Variants in TAS2R1 observed in about 807,000 individuals in gnomAD.
TAS2R1 encodes the protein taste receptor type 2 member 1.
For missense variants in TAS2R1, 370 were observed against 353.4 expected (o/e 1.05, Z -0.38); for synonymous variants, 141 against 134.2 (o/e 1.05, Z -0.35).
the TAS2R1 span, among the ~76,000 whole-genome samples, chr5:9,876,918 C>G: frequency 6.6e-6 from 1 of 152,178 alleles, no homozygotes; most frequent in Non-Finnish European, 1.5e-5. Flanking sequence ...AGTGTTTATT[C>G]AGGTAAACGA....
At chr5:9,840,149 A>G in the TAS2R1 span, among the ~76,000 whole-genome samples, 2 of 152,170 alleles carry the variant, frequency 1.3e-5, no homozygotes, top group African/African-American at 4.8e-5. Context: ...CATTGATTAC[A>G]TCAATGTGAG....
At chr5:9,755,219 T>C in the TAS2R1 span, among the ~76,000 whole-genome samples, 1 of 152,134 alleles carries the variant, frequency 6.6e-6, no homozygotes, top group African/African-American at 2.4e-5. Context: ...GAGAGAGTAG[T>C]ACTTGGATAC....
At chr5:9,633,294 T>TATA (rs1476544403), upstream of TAS2R1, among the ~76,000 whole-genome samples, 30 of 67,810 alleles carry the variant, frequency 4.4e-4, 2 homozygotes, top group East Asian at 3.9e-3. Context: ...TGTGTGTATA[T>TATA]TATATATATA....
At chr5:9,799,628 G>C in the TAS2R1 span, among the ~76,000 whole-genome samples, 2 of 152,154 alleles carry the variant, frequency 1.3e-5, no homozygotes, top group Non-Finnish European at 2.9e-5. Flanking sequence ...TTGCAACTCT[G>C]TCACTATATC....
chr5:9,737,301 G>A, the TAS2R1 span, among the ~76,000 whole-genome samples: 1 of 152,174 alleles, frequency 6.6e-6, no homozygotes, highest in African/African-American at 2.4e-5. Context: ...GTTGCAGGAG[G>A]TTCTAGAATC....
chr5:9,677,393 T>C lies in TAS2R1; in HGVS notation c.-241-17812A>G, dbSNP rs182455874. Reference sequence around the variant, plus strand: ...CTATGTAACAACAAACCTGTACTTGTACCCTTGAACTTAAAATAAAGTTAC... The same window carrying C: ...CTATGTAACAACAAACCTGTACTTGCACCCTTGAACTTAAAATAAAGTTAC... On this transcript the variant is annotated intron_variant, in intron 1 of 2. Transcript: ENST00000506620. 2.6e-5 allele frequency among the ~76,000 whole-genome samples: 4 copies of C among 151,702 alleles called. No homozygotes were observed. The East Asian group carries it at 7.8e-4, about 29-fold the overall frequency.
chr5:9,634,159 G>A (rs1297968406), upstream of TAS2R1, among the ~76,000 whole-genome samples: 1 of 151,942 alleles, frequency 6.6e-6, no homozygotes, highest in African/African-American at 2.4e-5. Flanking sequence ...TTCTACATGT[G>A]GCTTGCCAAT....
chr5:9,767,225 A>G, the TAS2R1 span, among the ~76,000 whole-genome samples: 1 of 151,106 alleles, frequency 6.6e-6, no homozygotes, highest in African/African-American at 2.4e-5. Context: ...AATCCCACGC[A>G]TCATCCAGGC....
At chr5:9,637,047 T>C (rs1739977498) in intron 2 of TAS2R1, among the ~76,000 whole-genome samples, 1 of 152,190 alleles carries the variant, frequency 6.6e-6, no homozygotes, top group Non-Finnish European at 1.5e-5. Context: ...TTTAAGGAGA[T>C]TCCATTTTGG....
At chr5:9,873,907 G>A in the TAS2R1 span, among the ~76,000 whole-genome samples, 6 of 146,154 alleles carry the variant, frequency 4.1e-5, no homozygotes, top group Non-Finnish European at 6.0e-5. Context: ...AAGAGGACGG[G>A]GAAAAAAAGA....
chr5:9,654,122 A>G (rs1740361465), intron 2 of TAS2R1, among the ~76,000 whole-genome samples: 1 of 152,208 alleles, frequency 6.6e-6, no homozygotes, highest in Non-Finnish European at 1.5e-5. Context: ...TCCAAGAAGT[A>G]GAGAACTTTT....
At chr5:9,892,955 C>A in the TAS2R1 span, among the ~76,000 whole-genome samples, 2 of 152,166 alleles carry the variant, frequency 1.3e-5, no homozygotes, top group African/African-American at 4.8e-5. Flanking sequence ...GATCTGACCA[C>A]TGATCATGCA....
chr5:9,680,143 C>A (rs1263617450), intron 1 of TAS2R1, among the ~76,000 whole-genome samples: 1 of 151,928 alleles, frequency 6.6e-6, no homozygotes, highest in Admixed American at 6.6e-5. Context: ...TTGTGTACAC[C>A]AAAAGAGTTC....
the TAS2R1 span, among the ~76,000 whole-genome samples, chr5:9,722,412 C>G: frequency 6.9e-3 from 1,045 of 152,320 alleles, 16 homozygotes; most frequent in African/African-American, 0.024. Context: ...CTAACACTAT[C>G]TGGAAGTTTA....
the TAS2R1 span, among the ~76,000 whole-genome samples, chr5:9,767,973 C>A: frequency 6.7e-6 from 1 of 149,886 alleles, no homozygotes; most frequent in East Asian, 2.0e-4. Context: ...CACTTAGAAC[C>A]CTGTACTGGA....
chr5:9,810,418 A>G, the TAS2R1 span, among the ~76,000 whole-genome samples: 1 of 152,194 alleles, frequency 6.6e-6, no homozygotes, highest in African/African-American at 2.4e-5. Context: ...TTTGTGCTGT[A>G]TGAGACAGAT....
the TAS2R1 span, among the ~76,000 whole-genome samples, chr5:9,734,192 C>A: frequency 2.0e-5 from 3 of 152,140 alleles, no homozygotes; most frequent in African/African-American, 7.2e-5. Flanking sequence ...AGCAGAGGCC[C>A]TTCACTAGAC....
At chr5:9,849,667 G>A in the TAS2R1 span, among the ~76,000 whole-genome samples, 1 of 152,098 alleles carries the variant, frequency 6.6e-6, no homozygotes, top group Admixed American at 6.5e-5. Flanking sequence ...AGGTACAAAG[G>A]TTCACTTGAT....
the TAS2R1 span, among the ~76,000 whole-genome samples, chr5:9,871,830 A>C: frequency 6.6e-6 from 1 of 152,160 alleles, no homozygotes; most frequent in African/African-American, 2.4e-5. Context: ...GCCCTGTCCA[A>C]ATCAGAATAC....
Sources: allele counts gnomAD v4.1 joint callset (sites outside exome capture counted in the v4.1 genomes callset), GRCh38; gene constraint gnomAD v4.1.1; transcripts MANE v1.5; gene names NCBI Gene and HGNC (gene_info 2026-07-23, HGNC 2026-07-21).